PDIA6: variants seen among roughly 807,000 people sequenced by gnomAD.
PDIA6 encodes the protein protein disulfide-isomerase A6.
A neutral mutation model predicts 58.4 loss-of-function variants in PDIA6; 29 were observed. That is an observed-to-expected ratio of 0.50 (90% confidence interval 0.37 to 0.68). The LOEUF is 0.68. Among genes scored for constraint, PDIA6 ranks in the 30% least tolerant of loss-of-function variants. The pLI is 0.00. For missense variants in PDIA6, 480 were observed against 551.0 expected (o/e 0.87, Z 1.29); for synonymous variants, 192 against 202.6 (o/e 0.95, Z 0.44).
chr2:10,818,017 C>A (rs539512153), intron 2 of PDIA6, among the ~76,000 whole-genome samples: 1 of 152,280 alleles, frequency 6.6e-6, no homozygotes, highest in Admixed American at 6.5e-5. Flanking sequence ...TCAGGAGACA[C>A]ACAGTGCTCC....
In PDIA6 at chr2:10,812,665, G is replaced by T; in HGVS notation, c.19+13C>A. ...CCCAGCTCGCCCGCCTCCCTCCGCT[G>T]GCCCGCACCTACCGAGCACCAGGAG... is the stretch of plus-strand genomic sequence containing the variant. On this transcript the variant is annotated intron_variant, in intron 1 of 12. Coordinates refer to ENST00000272227, the MANE Select transcript of PDIA6 (RefSeq NM_005742.4). 1 of 1,532,764 alleles carries T rather than the reference G, an allele frequency of 6.5e-7. No individual in the cohort carries two copies. The allele number at this position is 1,532,764 out of a possible 1,614,324, so 94.9% of individuals were successfully genotyped here.
At chr2:10,814,562 A>C (rs1341631953), upstream of PDIA6, among the ~76,000 whole-genome samples, 1 of 152,146 alleles carries the variant, frequency 6.6e-6, no homozygotes, top group Non-Finnish European at 1.5e-5. Flanking sequence ...CCTTTCCTGC[A>C]TTTGACACAT....
upstream of PDIA6, among the ~76,000 whole-genome samples, chr2:10,834,315 T>C (rs1190171888): frequency 6.6e-6 from 1 of 152,254 alleles, no homozygotes; most frequent in East Asian, 1.9e-4. Flanking sequence ...CCTGCAGCAG[T>C]GTGCTTTGGA....
intron 1 of PDIA6, among the ~76,000 whole-genome samples, chr2:10,811,502 A>G (rs1666996128): frequency 4.6e-5 from 2 of 43,036 alleles, no homozygotes; most frequent in Admixed American, 6.1e-4. Context: ...GTCTCAAAAA[A>G]CAGAAAGACA....
At chr2:10,800,568 G>C (rs1254640071) in intron 2 of PDIA6, among the ~76,000 whole-genome samples, 1 of 110,122 alleles carries the variant, frequency 9.1e-6, no homozygotes, top group African/African-American at 2.7e-5. Context: ...TAAACGTGAA[G>C]GTTTGATTTT....
chr2:10,815,325 C>T (rs1667158781), upstream of PDIA6, among the ~76,000 whole-genome samples: 1 of 152,164 alleles, frequency 6.6e-6, no homozygotes, highest in South Asian at 2.1e-4. Context: ...CCAGGGAGCA[C>T]ACAGCCAACA....
chr2:10,784,892 A>G, intron 12 of PDIA6, 42 bp downstream of exon 12: 1 of 1,384,232 alleles, frequency 7.2e-7, no homozygotes, highest in South Asian at 1.2e-5. Flanking sequence ...AAGAGAGTAA[A>G]CCAGGACTGC....
chr2:10,819,281 A>C (rs72779451), exon 2 of PDIA6: 201,008 of 1,482,492 alleles, frequency 0.14, 16,227 homozygotes, highest in Middle Eastern at 0.17. Flanking sequence ...TACCGGGTGC[A>C]TTAGCCATGG....
intron 8 of PDIA6, 26 bp from the exon 9 acceptor site, chr2:10,789,007 A>G (rs1734430): frequency 0.55 from 868,011 of 1,574,046 alleles, 244,125 homozygotes; most frequent in Middle Eastern, 0.59. Context: ...GACAAGGGAC[A>G]ATCAGGAGGC....
intron 11 of PDIA6, among the ~76,000 whole-genome samples, chr2:10,786,911 A>G (rs1370930035): frequency 6.6e-6 from 1 of 152,190 alleles, no homozygotes; most frequent in African/African-American, 2.4e-5. Flanking sequence ...AATGGAAACC[A>G]CATTTCCCCA....
upstream of PDIA6, among the ~76,000 whole-genome samples, chr2:10,816,762 A>G (rs1243330008): frequency 1.3e-5 from 2 of 152,036 alleles, no homozygotes; most frequent in Non-Finnish European, 2.9e-5. Context: ...TACTTCCTAG[A>G]ATCATGTTGT....
intron 1 of PDIA6, among the ~76,000 whole-genome samples, chr2:10,819,901 C>T (rs2357816): frequency 0.12 from 18,666 of 152,184 alleles, 1,421 homozygotes; most frequent in African/African-American, 0.2. Context: ...TTGCAGTGAT[C>T]CGAGAAGCCC....
chr2:10,808,630 A>G (rs1666863696), intron 1 of PDIA6, among the ~76,000 whole-genome samples: 1 of 152,100 alleles, frequency 6.6e-6, no homozygotes, highest in African/African-American at 2.4e-5. Context: ...TGATAGGATG[A>G]TCTCCTTTTC....
In PDIA6 at chr2:10,784,037, C is replaced by T. The variant is rs985687783; in HGVS notation, c.*221G>A. The T allele has an allele frequency of 9.9e-5, 38 of 383,984 alleles. No homozygotes were observed. The highest frequency in any genetic ancestry group is 1.4e-4 in the Non-Finnish European group (31 of 215,900). 23.8% of individuals were successfully genotyped at this position (383,984 alleles called of 1,614,324 possible). On this transcript the variant is annotated 3_prime_UTR_variant, in exon 13 of 13. Transcript: ENST00000272227. ...CTTCAAAATATTATGTGACAGAATA[C>T]GACTCAATTCACCGGCTACAACAAT...
At chr2:10,810,141 C>A in intron 1 of PDIA6, 1 of 685,468 alleles carries the variant, frequency 1.5e-6, no homozygotes, top group Non-Finnish European at 2.6e-6. Context: ...TTTTTCTAAA[C>A]ATTTTGCATA....
intron 1 of PDIA6, chr2:10,820,774 G>T: frequency 1.4e-6 from 1 of 703,042 alleles, no homozygotes; most frequent in South Asian, 1.5e-5. Context: ...CACTCACATG[G>T]CTGGAAGTCG....
chr2:10,825,310 A>G (rs1319092488), intron 1 of PDIA6, among the ~76,000 whole-genome samples: 1 of 151,142 alleles, frequency 6.6e-6, no homozygotes, highest in East Asian at 1.9e-4. Context: ...CTCTCTGTAT[A>G]TATATATCCT....
At chr2:10,834,732 C>CTCCTTCCTTCCT (rs869156704), upstream of PDIA6, among the ~76,000 whole-genome samples, 528 of 36,426 alleles carry the variant, frequency 0.014, 19 homozygotes, top group African/African-American at 0.035. Flanking sequence ...CCTTCCTTCC[C>CTCCTTCCTTCCT]TCCTTCCTTC....
chr2:10,799,455 C>T (rs995356579), intron 2 of PDIA6, among the ~76,000 whole-genome samples: 5 of 152,062 alleles, frequency 3.3e-5, no homozygotes, highest in South Asian at 2.1e-4. Flanking sequence ...AGAAATTTAC[C>T]CAATATCACA....
Sources: allele counts gnomAD v4.1 joint callset (sites outside exome capture counted in the v4.1 genomes callset), GRCh38; gene constraint gnomAD v4.1.1; transcripts MANE v1.5; gene names NCBI Gene and HGNC (gene_info 2026-07-23, HGNC 2026-07-21).